CTNNA3: variants seen among roughly 807,000 people sequenced by gnomAD.
CTNNA3 encodes the protein catenin alpha 3.
Under a neutral mutation model 95.7 loss-of-function variants are expected in CTNNA3, and 76 were observed. The observed-to-expected ratio is 0.79, with a 90% CI of 0.66 to 0.96. The LOEUF is 0.96. Ranked by LOEUF, CTNNA3 falls within the 40% of genes least tolerant of loss-of-function variation. The pLI is 0.00. For synonymous variants in CTNNA3, 431 were observed against 374.4 expected (o/e 1.15, Z -1.74); for missense variants, 1,191 against 1,089.8 (o/e 1.09, Z -1.31).
At chr10:66,854,016 G>C (rs910567568) in intron 7 of CTNNA3, among the ~76,000 whole-genome samples, 3 of 151,954 alleles carry the variant, frequency 2.0e-5, no homozygotes, top group African/African-American at 7.2e-5. Flanking sequence ...CCACACCATC[G>C]CATGTAAATG....
intron 5 of CTNNA3, among the ~76,000 whole-genome samples, chr10:67,518,830 A>G (rs1839898462): frequency 6.6e-6 from 1 of 152,096 alleles, no homozygotes. Context: ...ATGTCACACC[A>G]ACTAGAAGGA....
At chr10:66,807,171 G>T (rs906646548) in intron 7 of CTNNA3, among the ~76,000 whole-genome samples, 1 of 151,894 alleles carries the variant, frequency 6.6e-6, no homozygotes, top group Non-Finnish European at 1.5e-5. Flanking sequence ...TTTTGGGTGC[G>T]CACTGTGAAA....
rs373747789 is a variant in CTNNA3 at position 67,743,826 on chromosome 10, G to A, written c.-2+19608C>T. ...AAGTCTCAGGATACAAAATCAATGTGCAAAAATCACAAGCATTCTTATACA... is the reference window on the plus strand; with the variant it reads ...AAGTCTCAGGATACAAAATCAATGTACAAAAATCACAAGCATTCTTATACA... On this transcript the variant is annotated intron_variant, in intron 1 of 17. Transcript: ENST00000684154. Among the ~76,000 whole-genome samples the A allele has an allele frequency of 1.3e-4, 19 of 151,072 alleles. No individual in the cohort carries two copies. The South Asian group carries it at 1.3e-3, about 10-fold the overall frequency.
At chr10:66,132,278 C>T (rs10996923) in intron 13 of CTNNA3, among the ~76,000 whole-genome samples, 24,621 of 152,066 alleles carry the variant, frequency 0.16, 2,503 homozygotes, top group Admixed American at 0.27. Flanking sequence ...GACATACATG[C>T]GTCCAATGAG....
intron 15 of CTNNA3, among the ~76,000 whole-genome samples, chr10:66,038,763 C>G (rs1401765560): frequency 6.6e-6 from 1 of 152,154 alleles, no homozygotes; most frequent in Non-Finnish European, 1.5e-5. Flanking sequence ...TAAGAGCCAT[C>G]ATGGCAAACC....
At chr10:66,425,222 T>G (rs183309295) in intron 11 of CTNNA3, among the ~76,000 whole-genome samples, 19 of 152,072 alleles carry the variant, frequency 1.2e-4, no homozygotes, top group African/African-American at 4.1e-4. Flanking sequence ...TTTCTGTCTT[T>G]TTAAAAGATA....
intron 13 of CTNNA3, among the ~76,000 whole-genome samples, chr10:66,224,733 A>C (rs1351163895): frequency 2.0e-5 from 3 of 152,120 alleles, no homozygotes; most frequent in African/African-American, 7.2e-5. Context: ...TACGAACCAA[A>C]CATAGAAATC....
intron 1 of CTNNA3, among the ~76,000 whole-genome samples, chr10:67,706,068 G>A (rs1428363595): frequency 6.6e-6 from 1 of 152,054 alleles, no homozygotes; most frequent in African/African-American, 2.4e-5. Flanking sequence ...ATGCAGATGG[G>A]GGTCTGCATA....
intron 2 of CTNNA3, among the ~76,000 whole-genome samples, chr10:67,646,847 G>A (rs905349495): frequency 1.3e-5 from 2 of 151,976 alleles, no homozygotes; most frequent in East Asian, 1.9e-4. Flanking sequence ...ATGAAATCTC[G>A]ACTTACATAA....
At chr10:65,931,502 T>C (rs1467083104) in intron 17 of CTNNA3, among the ~76,000 whole-genome samples, 2 of 152,188 alleles carry the variant, frequency 1.3e-5, no homozygotes, top group African/African-American at 4.8e-5. Flanking sequence ...CAGAGATGCC[T>C]GGAGCAACAA....
intron 2 of CTNNA3, among the ~76,000 whole-genome samples, chr10:67,614,695 G>A (rs533945272): frequency 2.2e-4 from 34 of 152,272 alleles, no homozygotes; most frequent in Non-Finnish European, 1.2e-4. Flanking sequence ...TTCCTAACAG[G>A]CCATGGACAT....
rs9414919 is a variant in CTNNA3 at position 66,378,964 on chromosome 10, T to C, written c.1732+188A>G. 0.64 allele frequency among the ~76,000 whole-genome samples: 97,404 copies of C among 152,060 alleles called. 32,728 individuals are homozygous for C. Among genetic ancestry groups the C allele is most frequent in the East Asian group, 0.88 (4,539 of 5,168 alleles). On this transcript the variant is annotated intron_variant, in intron 12 of 17. Transcript: ENST00000433211. ...CATATATTTATAGAAGACCTCTTTTTACCAATGAATATATTTACTTCTCAG... is the reference window on the plus strand; with the variant it reads ...CATATATTTATAGAAGACCTCTTTTCACCAATGAATATATTTACTTCTCAG...
chr10:67,153,003 TC>T (rs1389955004), intron 7 of CTNNA3, among the ~76,000 whole-genome samples: 10 of 151,370 alleles, frequency 6.6e-5, no homozygotes, highest in African/African-American at 2.4e-4. Flanking sequence ...TGAGACAGGG[TC>T]TTTCCCTGTT....
intron 12 of CTNNA3, among the ~76,000 whole-genome samples, chr10:66,296,919 C>A (rs1260066699): frequency 6.6e-6 from 1 of 152,136 alleles, no homozygotes; most frequent in African/African-American, 2.4e-5. Flanking sequence ...GATAAATAAT[C>A]AGACATGTTA....
chr10:67,082,846 G>A (rs1244507842), intron 7 of CTNNA3, among the ~76,000 whole-genome samples: 1 of 152,098 alleles, frequency 6.6e-6, no homozygotes, highest in Admixed American at 6.6e-5. Context: ...GTAGTCTGGG[G>A]GATGGACCAC....
chr10:67,166,950 T>A (rs1204804239), intron 7 of CTNNA3, among the ~76,000 whole-genome samples: 1 of 152,052 alleles, frequency 6.6e-6, no homozygotes, highest in East Asian at 1.9e-4. Context: ...CTACTAAAAA[T>A]ACAAAAATTA....
chr10:67,014,305 T>G, intron 7 of CTNNA3, among the ~76,000 whole-genome samples: 1 of 152,168 alleles, frequency 6.6e-6, no homozygotes, highest in Non-Finnish European at 1.5e-5. Flanking sequence ...ACAAAAATTG[T>G]AATTTATGTC....
chr10:67,341,380 C>T (rs991052757), intron 5 of CTNNA3, among the ~76,000 whole-genome samples: 2 of 152,238 alleles, frequency 1.3e-5, no homozygotes, highest in Admixed American at 1.3e-4. Flanking sequence ...CCACATTCTA[C>T]TCTCCATCTA....
intron 2 of CTNNA3, among the ~76,000 whole-genome samples, chr10:67,612,663 C>G (rs1470907116): frequency 6.6e-6 from 1 of 152,138 alleles, no homozygotes; most frequent in Non-Finnish European, 1.5e-5. Flanking sequence ...GAAAACACAG[C>G]ATGCCCAAAG....
Sources: allele counts gnomAD v4.1 joint callset (sites outside exome capture counted in the v4.1 genomes callset), GRCh38; gene constraint gnomAD v4.1.1; transcripts MANE v1.5; gene names NCBI Gene and HGNC (gene_info 2026-07-23, HGNC 2026-07-21).